The following MAGI2 variants were observed in gnomAD, a reference collection of about 807,000 sequenced individuals.
MAGI2 encodes membrane associated guanylate kinase, WW and PDZ domain containing 2.
Under a neutral mutation model 133.3 loss-of-function variants are expected in MAGI2, and 35 were observed. The ratio of observed to expected loss-of-function variants is 0.26; its 90% CI spans 0.20 to 0.35. The LOEUF is 0.35. MAGI2 is among the 10% of genes least tolerant of loss of function. The pLI is 1.00. For synonymous variants in MAGI2, 729 were observed against 710.6 expected, an observed-to-expected ratio of 1.03 and a Z score of -0.41; for missense variants, 1,636 against 1,863.4, an observed-to-expected ratio of 0.88 and a Z score of 2.25.
chr7:78,457,531 AAT>A (rs1441407302), intron 6 of MAGI2, among the ~76,000 whole-genome samples: 1 of 152,190 alleles, frequency 6.6e-6, no homozygotes, highest in Non-Finnish European at 1.5e-5. Context: ...TTTGTAATAT[AAT>A]ATATCTTAAA....
rs182613485 is a variant in MAGI2 at position 78,949,821 on chromosome 7, T to G, written c.418+57269A>C. ...ACATCTCCACCTATAGGGAGCATAA[T>G]TGAACCAGGATCTAGCTGTTTCACT... is the stretch of plus-strand genomic sequence containing the variant. On this transcript the variant is annotated intron_variant, in intron 2 of 21. Transcript: ENST00000354212. Among the ~76,000 whole-genome samples the G allele has an allele frequency of 6.4e-4, 97 of 152,304 alleles. No homozygotes were observed. The Middle Eastern group carries it at 0.01, about 16-fold the overall frequency.
chr7:79,137,443 GT>G (rs1366101909), intron 1 of MAGI2, among the ~76,000 whole-genome samples: 2 of 78,868 alleles, frequency 2.5e-5, no homozygotes, highest in African/African-American at 6.3e-5. Context: ...ACTTCTGGGT[GT>G]TTTTTGTTTT....
chr7:79,232,496 T>A (rs1297120365), intron 1 of MAGI2, among the ~76,000 whole-genome samples: 3 of 143,436 alleles, frequency 2.1e-5, no homozygotes, highest in African/African-American at 5.3e-5. Context: ...ATTCAGAGAT[T>A]CAACTTCTTC....
At chr7:78,471,268 G>A (rs974425461) in intron 6 of MAGI2, among the ~76,000 whole-genome samples, 17 of 152,114 alleles carry the variant, frequency 1.1e-4, no homozygotes, top group Non-Finnish European at 4.4e-5. Context: ...GAGAAGAAAA[G>A]TCTGATGTGA....
chr7:78,449,355 T>G (rs780426503), intron 6 of MAGI2, among the ~76,000 whole-genome samples: 1 of 152,094 alleles, frequency 6.6e-6, no homozygotes, highest in Non-Finnish European at 1.5e-5. Context: ...TTACTTAATA[T>G]TTTCTTTGAA....
intron 2 of MAGI2, among the ~76,000 whole-genome samples, chr7:78,890,732 G>T (rs1363599453): frequency 6.6e-6 from 1 of 152,184 alleles, no homozygotes; most frequent in African/African-American, 2.4e-5. Context: ...AAAGCAGTGT[G>T]TAGAGGGAAA....
intron 10 of MAGI2, among the ~76,000 whole-genome samples, chr7:78,241,197 CAA>C (rs10562068): frequency 0.15 from 22,609 of 151,612 alleles, 2,089 homozygotes; most frequent in East Asian, 0.33. Context: ...CCATCAAAAT[CAA>C]AGTCTTTTTT....
At chr7:78,688,017 A>T (rs1427088459) in intron 2 of MAGI2, among the ~76,000 whole-genome samples, 1 of 151,406 alleles carries the variant, frequency 6.6e-6, no homozygotes, top group Non-Finnish European at 1.5e-5. Context: ...AAGAAAAGAA[A>T]AAAAGCAAAC....
intron 1 of MAGI2, among the ~76,000 whole-genome samples, chr7:79,190,610 T>A (rs1315067575): frequency 2.6e-5 from 4 of 151,874 alleles, no homozygotes; most frequent in Non-Finnish European, 5.9e-5. Context: ...TTAGCAGTAT[T>A]AATACTTTCT....
intron 2 of MAGI2, among the ~76,000 whole-genome samples, chr7:78,732,773 G>A (rs915459302): frequency 7.0e-6 from 1 of 142,294 alleles, no homozygotes; most frequent in African/African-American, 2.6e-5. Flanking sequence ...AGAATCATAG[G>A]TGATGTTTTT....
At chr7:79,354,026 T>G (rs1841856191) in intron 1 of MAGI2, 1 of 152,824 alleles carries the variant, frequency 6.5e-6, no homozygotes, top group African/African-American at 2.4e-5. Flanking sequence ...ATAGCTAGAT[T>G]TTATTGAACT....
At chr7:79,390,145 C>A (rs917454211) in intron 1 of MAGI2, among the ~76,000 whole-genome samples, 4 of 152,112 alleles carry the variant, frequency 2.6e-5, no homozygotes, top group African/African-American at 9.7e-5. Flanking sequence ...ATATGGCCAC[C>A]AGTCACCTTG....
chr7:78,991,839 C>G (rs1805817364), intron 2 of MAGI2, among the ~76,000 whole-genome samples: 1 of 152,032 alleles, frequency 6.6e-6, no homozygotes, highest in Non-Finnish European at 1.5e-5. Flanking sequence ...GTACTGCTAA[C>G]TAGCAAATTG....
intron 2 of MAGI2, among the ~76,000 whole-genome samples, chr7:78,929,848 T>C (rs116952722): frequency 0.011 from 1,626 of 152,182 alleles, 20 homozygotes; most frequent in African/African-American, 0.03. Flanking sequence ...ATTATTGAGC[T>C]TACCAGAAAG....
At chr7:79,398,750 G>GT (rs1295746380) in intron 1 of MAGI2, among the ~76,000 whole-genome samples, 4 of 152,104 alleles carry the variant, frequency 2.6e-5, no homozygotes, top group Non-Finnish European at 5.9e-5. Flanking sequence ...CATTTAAACT[G>GT]TCAATCTAAA....
intron 9 of MAGI2, among the ~76,000 whole-genome samples, chr7:78,291,154 G>C (rs937563237): frequency 2.6e-5 from 4 of 152,044 alleles, no homozygotes; most frequent in African/African-American, 9.7e-5. Context: ...CTGGTTTTTT[G>C]AAAAGATCAA....
intron 6 of MAGI2, among the ~76,000 whole-genome samples, chr7:78,476,950 C>A (rs560930958): frequency 1.3e-5 from 2 of 151,934 alleles, no homozygotes; most frequent in African/African-American, 4.8e-5. Context: ...TGATGCATAG[C>A]ATTTAGGAAA....
At chr7:78,664,126 A>G (rs1428063771) in intron 2 of MAGI2, among the ~76,000 whole-genome samples, 1 of 152,136 alleles carries the variant, frequency 6.6e-6, no homozygotes, top group Non-Finnish European at 1.5e-5. Flanking sequence ...CTATTAGTCC[A>G]CCATCTCTCA....
intron 9 of MAGI2, among the ~76,000 whole-genome samples, chr7:78,272,601 T>C (rs933276247): frequency 6.6e-6 from 1 of 152,220 alleles, no homozygotes; most frequent in Admixed American, 6.5e-5. Flanking sequence ...CTCTAAGAAC[T>C]TGCTTTATGA....
Sources: gnomAD v4.1 joint callset for allele counts (sites outside exome capture counted in the v4.1 genomes callset) on GRCh38, gnomAD v4.1.1 for gene constraint, MANE v1.5 for transcripts, NCBI Gene and HGNC (gene_info 2026-07-23, HGNC 2026-07-21) for gene names.